The following HDAC9 variants were observed in gnomAD, a reference collection of about 807,000 sequenced individuals.
The protein encoded by HDAC9 is MEF-2 interacting transcription repressor (MITR) protein.
A neutral mutation model predicts 139.4 loss-of-function variants in HDAC9; 41 were observed. The observed-to-expected ratio is 0.29, with a 90% CI of 0.23 to 0.38. The LOEUF is 0.38. Among genes scored for constraint, HDAC9 ranks in the 10% least tolerant of loss-of-function variants. HDAC9 has a pLI of 1.00. For missense variants in HDAC9, 1,147 were observed against 1,297.0 expected, an observed-to-expected ratio of 0.88 and a Z score of 1.78; for synonymous variants, 517 against 476.2, an observed-to-expected ratio of 1.09 and a Z score of -1.12.
intron 13 of HDAC9, among the ~76,000 whole-genome samples, chr7:18,739,816 C>T (rs1291936569): frequency 1.3e-5 from 2 of 152,178 alleles, no homozygotes; most frequent in South Asian, 4.1e-4. Context: ...CAGACAGGGA[C>T]GTTTAAGTCT....
intron 13 of HDAC9, among the ~76,000 whole-genome samples, chr7:18,729,430 G>A (rs576464360): frequency 7.9e-5 from 12 of 152,260 alleles, no homozygotes; most frequent in African/African-American, 2.9e-4. Flanking sequence ...TTGGTTAAGA[G>A]GGGTGGCCCT....
At chr7:18,740,347 G>C (rs1787336241) in intron 13 of HDAC9, among the ~76,000 whole-genome samples, 1 of 152,178 alleles carries the variant, frequency 6.6e-6, no homozygotes, top group Non-Finnish European at 1.5e-5. Context: ...CCCATCTTCT[G>C]TGTCAATCAC....
intron 1 of HDAC9, among the ~76,000 whole-genome samples, chr7:18,434,634 G>GA (rs1473516525): frequency 1.3e-5 from 2 of 152,060 alleles, no homozygotes; most frequent in Non-Finnish European, 2.9e-5. Flanking sequence ...ACAAGCATAT[G>GA]AAAAAATGCT....
chr7:18,503,982 G>T (rs1045270451), intron 2 of HDAC9, among the ~76,000 whole-genome samples: 1 of 152,102 alleles, frequency 6.6e-6, no homozygotes, highest in Non-Finnish European at 1.5e-5. Flanking sequence ...CAAAAAATAA[G>T]TAAATTTCAC....
At chr7:18,369,246 G>T (rs1242242779) in intron 1 of HDAC9, among the ~76,000 whole-genome samples, 1 of 151,990 alleles carries the variant, frequency 6.6e-6, no homozygotes, top group Non-Finnish European at 1.5e-5. Flanking sequence ...CAATGTAACA[G>T]CAGAATAGTG....
chr7:18,768,387 G>T (rs1265515313), intron 16 of HDAC9, among the ~76,000 whole-genome samples: 2 of 152,140 alleles, frequency 1.3e-5, no homozygotes, highest in Non-Finnish European at 2.9e-5. Flanking sequence ...TGGGTAAGCA[G>T]CGCAGCAGTG....
intron 7 of HDAC9, among the ~76,000 whole-genome samples, chr7:18,632,071 G>C (rs1782518812): frequency 6.6e-6 from 1 of 151,792 alleles, no homozygotes; most frequent in Admixed American, 6.6e-5. Flanking sequence ...AAATGGAAAT[G>C]ATATGGAAAT....
intron 2 of HDAC9, among the ~76,000 whole-genome samples, chr7:18,569,058 A>G (rs1028443926): frequency 1.4e-5 from 2 of 147,884 alleles, no homozygotes; most frequent in South Asian, 2.2e-4. Context: ...AAAAAAATAA[A>G]TAAATAAATA....
chr7:18,638,400 T>C (rs1244274462), intron 8 of HDAC9, among the ~76,000 whole-genome samples: 1 of 152,064 alleles, frequency 6.6e-6, no homozygotes, highest in Admixed American at 6.6e-5. Flanking sequence ...GAGAATTTAC[T>C]CATAAATTGA....
chr7:18,559,289 C>G (rs1425470482), intron 2 of HDAC9, among the ~76,000 whole-genome samples: 2 of 152,188 alleles, frequency 1.3e-5, no homozygotes, highest in Non-Finnish European at 1.5e-5. Flanking sequence ...AATACATACA[C>G]ACACCTTCGT....
At chr7:18,363,616 C>A (rs1783950732) in intron 1 of HDAC9, among the ~76,000 whole-genome samples, 1 of 152,110 alleles carries the variant, frequency 6.6e-6, no homozygotes. Context: ...CACTAAGTTT[C>A]TCCATCTGCT....
Position 18,609,001 on chromosome 7 carries a change from GTTA to G in HDAC9, c.664+14984_664+14986del, listed in dbSNP as rs1253742207. 2.0e-5 allele frequency among the ~76,000 whole-genome samples: 3 copies of G among 152,026 alleles called. No homozygotes were observed. In the South Asian group the frequency reaches 6.2e-4, roughly 31 times the overall value. On this transcript the variant is annotated intron_variant, in intron 6 of 25. Coordinates refer to ENST00000686413, the MANE Select transcript of HDAC9 (RefSeq NM_178425.4). ...TATAGCTGGGAAAAGACATTAAGATGTTATTATTATTATTTTTTTGGTTGTAAG... is the reference window on the plus strand; with the variant it reads ...TATAGCTGGGAAAAGACATTAAGATGTTATTATTATTTTTTTGGTTGTAAG...
intron 1 of HDAC9, among the ~76,000 whole-genome samples, chr7:18,392,169 C>G (rs746392102): frequency 7.9e-5 from 12 of 152,012 alleles, no homozygotes; most frequent in Non-Finnish European, 1.5e-4. Flanking sequence ...CTATCTTGAC[C>G]TTAGATTCCC....
At chr7:18,392,919 CAAAA>C (rs773532939) in intron 1 of HDAC9, among the ~76,000 whole-genome samples, 2 of 44,530 alleles carry the variant, frequency 4.5e-5, no homozygotes, top group South Asian at 7.8e-4. Context: ...CCATGACTGG[CAAAA>C]AAAAAAAAAA....
Position 18,184,839 on chromosome 7 carries a change from G to A in HDAC9, c.25+22490G>A, listed in dbSNP as rs185633096. On this transcript the variant is annotated intron_variant, in intron 2 of 12. Coordinates refer to the HDAC9 transcript ENST00000417496. ...TTTAATATTATAGTACTGTATTTTT[G>A]TGCTATTGTATCAGAGTCACATTTT... 1.1e-4 allele frequency among the ~76,000 whole-genome samples: 17 copies of A among 152,220 alleles called. No homozygotes were observed. The East Asian group carries it at 3.1e-3, about 28-fold the overall frequency.
At chr7:18,717,482 A>G (rs1784791041) in intron 12 of HDAC9, among the ~76,000 whole-genome samples, 2 of 139,474 alleles carry the variant, frequency 1.4e-5, no homozygotes, top group African/African-American at 2.8e-5. Flanking sequence ...CCCAGGCTGG[A>G]GTACAGTGGC....
chr7:18,446,282 C>T (rs948294422), intron 1 of HDAC9, among the ~76,000 whole-genome samples: 1 of 152,190 alleles, frequency 6.6e-6, no homozygotes, highest in African/African-American at 2.4e-5. Flanking sequence ...ATATTATATT[C>T]ATGGTTTTCT....
chr7:18,844,821 G>C (rs974652723), intron 21 of HDAC9, among the ~76,000 whole-genome samples: 2 of 152,114 alleles, frequency 1.3e-5, no homozygotes, highest in Non-Finnish European at 2.9e-5. Context: ...GTCTCCCAGA[G>C]CTGCCTCATT....
At chr7:18,480,544 A>C (rs1795470862) in intron 1 of HDAC9, among the ~76,000 whole-genome samples, 1 of 152,296 alleles carries the variant, frequency 6.6e-6, no homozygotes, top group East Asian at 1.9e-4. Context: ...AGACAGAGAT[A>C]CCTGGGGGAT....
Sources: gnomAD v4.1 joint callset for allele counts (sites outside exome capture counted in the v4.1 genomes callset) on GRCh38, gnomAD v4.1.1 for gene constraint, MANE v1.5 for transcripts, NCBI Gene and HGNC (gene_info 2026-07-23, HGNC 2026-07-21) for gene names.